Variants in NEK10 observed in about 807,000 individuals in gnomAD.
NEK10 encodes the protein NIMA related kinase 10.
In NEK10, 122 loss-of-function variants were observed where a neutral mutation model predicts 159.8. That is an observed-to-expected ratio of 0.76 (90% CI 0.66 to 0.89). The LOEUF is 0.89. Among genes scored for constraint, NEK10 ranks in the 40% least tolerant of loss-of-function variants. NEK10 has a pLI of 0.00. For synonymous variants in NEK10, 466 were observed against 457.1 expected, an observed-to-expected ratio of 1.02 and a Z score of -0.25; for missense variants, 1,342 against 1,323.1, an observed-to-expected ratio of 1.01 and a Z score of -0.22.
At chr3:27,280,147 G>A (rs144989542) in intron 22 of NEK10, among the ~76,000 whole-genome samples, 130 of 138,922 alleles carry the variant, frequency 9.4e-4, no homozygotes, top group South Asian at 6.9e-3. Flanking sequence ...TCTTTGGAAT[G>A]TTACTAACCC....
chr3:27,139,832 C>T (rs756291331), intron 31 of NEK10, among the ~76,000 whole-genome samples: 4 of 152,196 alleles, frequency 2.6e-5, no homozygotes, highest in Non-Finnish European at 5.9e-5. Context: ...ACTCCCTAAC[C>T]ACATTCAGCA....
At chr3:27,119,427 A>G (rs1308599441) in intron 33 of NEK10, among the ~76,000 whole-genome samples, 1 of 152,144 alleles carries the variant, frequency 6.6e-6, no homozygotes, top group Admixed American at 6.6e-5. Context: ...TAAACTCCTT[A>G]TTTCTGCTCT....
chr3:27,362,592 G>A (rs1273033338), intron 1 of NEK10, among the ~76,000 whole-genome samples: 1 of 149,776 alleles, frequency 6.7e-6, no homozygotes, highest in African/African-American at 2.5e-5. Context: ...AAGTAATTGT[G>A]GTTTTTGCCA....
At chr3:27,239,170 G>T (rs1029012823) in intron 23 of NEK10, among the ~76,000 whole-genome samples, 2 of 151,394 alleles carry the variant, frequency 1.3e-5, no homozygotes, top group African/African-American at 2.4e-5. Flanking sequence ...TGGCTAAAAT[G>T]AATTAAGAAA....
chr3:27,256,341 T>C lies in NEK10; in HGVS notation c.2045A>G (p.Glu682Gly). The part of the protein sequence containing the change: ...TDFGLAKQKQ[E>G]NSKLTSVVGT... ...AACCACAGAGGTGAGTTTACTGTTT[T>C]CTTGTTTTTGCTTTGCCAGGCCAAA... Residue 682 changes from glutamate (E) to glycine (G), a missense_variant, in exon 23 of 36, where the codon GAA (glutamate) becomes GGA (glycine). Glu to Gly is a moderately conservative substitution (Grantham distance 98). Coordinates refer to ENST00000691995, the MANE Select transcript of NEK10 (RefSeq NM_001394966.1). The C allele has an allele frequency of 6.3e-7, 1 of 1,575,262 alleles. No individual in the cohort carries two copies. Among genetic ancestry groups the C allele is most frequent in the African/African-American group, 1.4e-5 (1 of 71,904 alleles).
chr3:27,156,031 G>A (rs6778541), intron 30 of NEK10, among the ~76,000 whole-genome samples: 39,214 of 151,930 alleles, frequency 0.26, 6,304 homozygotes, highest in African/African-American at 0.47. Context: ...AAAACATAAA[G>A]TGGGGAAAGG....
chr3:27,359,772 C>CG (rs2048554986), intron 1 of NEK10, among the ~76,000 whole-genome samples: 1 of 152,148 alleles, frequency 6.6e-6, no homozygotes, highest in Non-Finnish European at 1.5e-5. Context: ...TTTGCAGTTT[C>CG]TATGTTACGT....
intron 23 of NEK10, among the ~76,000 whole-genome samples, chr3:27,232,346 T>C (rs1363897633): frequency 6.6e-6 from 1 of 151,814 alleles, no homozygotes; most frequent in African/African-American, 2.4e-5. Flanking sequence ...CTTAGGAATA[T>C]ACTTAACCAA....
chr3:27,119,842 A>G lies in NEK10; in HGVS notation c.3108T>C (p.Ile1036=), dbSNP rs781531524. ...AATCTGCTGTGAAAAAGTTGGGCTC[A>G]ATCGGTTCTGGAGATCCCTGAGATA... ...KKLSQGSPEP[I]EPNFFTADYH... is the part of the protein sequence containing the mutation. The change falls in exon 33 of 36, where the codon ATT becomes ATC. Residue 1036 remains isoleucine, a synonymous_variant. Transcript: ENST00000691995. The G allele has an allele frequency of 6.2e-7, 1 of 1,613,996 alleles. No homozygotes were observed. The highest frequency in any genetic ancestry group is 8.5e-7 in the Non-Finnish European group (1 of 1,179,880).
intron 23 of NEK10, among the ~76,000 whole-genome samples, chr3:27,207,547 A>G (rs1345893188): frequency 6.6e-6 from 1 of 152,172 alleles, no homozygotes; most frequent in African/African-American, 2.4e-5. Flanking sequence ...TACGAAGTCT[A>G]TTTTAGAAAT....
At chr3:27,153,312 T>C (rs1021572720) in intron 30 of NEK10, among the ~76,000 whole-genome samples, 3 of 132,298 alleles carry the variant, frequency 2.3e-5, no homozygotes, top group Admixed American at 8.1e-5. Flanking sequence ...AGAGCGAGAC[T>C]CCATCTCAAA....
In NEK10 at chr3:27,174,649, C is replaced by T; in HGVS notation, c.2689+1G>A. On this transcript the variant is annotated splice_donor_variant, in intron 27 of 35. Transcript: ENST00000691995. LOFTEE classifies it high-confidence loss of function. ...CGTTGACACACTGCCACTAGCAGTACCTTTCTCAGCATTTTCCAGGTTGAA... is the reference window on the plus strand; with the variant it reads ...CGTTGACACACTGCCACTAGCAGTATCTTTCTCAGCATTTTCCAGGTTGAA... The T allele has an allele frequency of 6.2e-7, 1 of 1,608,636 alleles. No individual in the cohort carries two copies. The highest frequency in any genetic ancestry group is 8.5e-7 in the Non-Finnish European group (1 of 1,177,714).
chr3:27,201,581 C>G lies in NEK10; in HGVS notation c.2221-1G>C. 1 of 1,613,152 alleles carries G rather than the reference C, an allele frequency of 6.2e-7. No homozygotes were observed. On this transcript the variant is annotated splice_acceptor_variant, in intron 24 of 35. Transcript: ENST00000691995. LOFTEE classifies it high-confidence loss of function. ...CTGGTTCATATACCGCCTCCACTAT[C>G]TGCAAAACAAACAGACTAGAGTGAT...
At chr3:27,143,553 T>C (rs1254790172) in intron 30 of NEK10, 4 of 685,288 alleles carry the variant, frequency 5.8e-6, no homozygotes, top group Non-Finnish European at 1.1e-5. Context: ...AACTCAAAAA[T>C]TATTTTTATT....
intron 26 of NEK10, 21 bp from the exon 27 acceptor site, chr3:27,174,854 T>A (rs1319548103): frequency 1.3e-6 from 2 of 1,545,882 alleles, no homozygotes; most frequent in Non-Finnish European, 1.7e-6. Flanking sequence ...AAATTCAGTT[T>A]TTCATAGCCT....
intron 22 of NEK10, among the ~76,000 whole-genome samples, chr3:27,261,178 G>A (rs2040381339): frequency 6.6e-6 from 1 of 152,012 alleles, no homozygotes; most frequent in Non-Finnish European, 1.5e-5. Flanking sequence ...ACCAGCTCCT[G>A]GATTCATTGA....
chr3:27,279,026 T>C, intron 22 of NEK10: 1 of 569,684 alleles, frequency 1.8e-6, no homozygotes, highest in Non-Finnish European at 2.2e-6. Context: ...CAAATGGAAA[T>C]ATATTTAGAC....
Position 27,297,128 on chromosome 3 carries a change from G to C in NEK10, c.1230+51C>G, listed in dbSNP as rs1486322692. ...GGATACAGACTGCACCACAAGGTGA[G>C]TTGATTATGAATGGTTATGGAGACC... On this transcript the variant is annotated intron_variant, in intron 14 of 35. Coordinates refer to ENST00000691995, the MANE Select transcript of NEK10 (RefSeq NM_001394966.1). The C allele has an allele frequency of 8.4e-6, 10 of 1,195,658 alleles. No homozygotes were observed. In the East Asian group the frequency reaches 9.4e-5, roughly 11 times the overall value. 74.1% of individuals were successfully genotyped at this position (1,195,658 alleles called of 1,614,324 possible).
chr3:27,364,778 C>G (rs1448795168), intron 1 of NEK10, among the ~76,000 whole-genome samples: 1 of 152,160 alleles, frequency 6.6e-6, no homozygotes, highest in Non-Finnish European at 1.5e-5. Flanking sequence ...ACTAAAATGT[C>G]AAGGAACTTG....
Sources: allele counts gnomAD v4.1 joint callset (sites outside exome capture counted in the v4.1 genomes callset), GRCh38; gene constraint gnomAD v4.1.1; transcripts MANE v1.5; gene names NCBI Gene and HGNC (gene_info 2026-07-23, HGNC 2026-07-21).